The following ADARB2 variants were observed in gnomAD, a reference collection of about 807,000 sequenced individuals.
ADARB2 encodes the protein adenosine deaminase RNA specific B2 (inactive), also known as inactive double-stranded RNA-specific editase B2.
Under a neutral mutation model 62.2 loss-of-function variants are expected in ADARB2, and 25 were observed. The ratio of observed to expected loss-of-function variants is 0.40; its 90% CI spans 0.29 to 0.56. The LOEUF (loss-of-function observed/expected upper bound fraction) is 0.56. Ranked by LOEUF, ADARB2 falls within the 20% of genes least tolerant of loss-of-function variation. ADARB2 has a pLI of 0.43. For missense variants in ADARB2, 1,071 were observed against 1,077.4 expected, an observed-to-expected ratio of 0.99 and a Z score of 0.08; for synonymous variants, 572 against 500.8, an observed-to-expected ratio of 1.14 and a Z score of -1.90.
At chr10:1,661,882 G>A (rs1167674583) in intron 1 of ADARB2, among the ~76,000 whole-genome samples, 5 of 152,152 alleles carry the variant, frequency 3.3e-5, no homozygotes, top group Admixed American at 1.3e-4. Context: ...TTCCCTCTAC[G>A]GAACCGCACT....
chr10:1,655,294 T>C (rs1052143198), intron 1 of ADARB2, among the ~76,000 whole-genome samples: 2 of 152,046 alleles, frequency 1.3e-5, no homozygotes, highest in African/African-American at 4.8e-5. Context: ...GGAAAGCGGG[T>C]GCCCACTCAA....
chr10:1,392,951 CA>C (rs201782062), intron 1 of ADARB2, among the ~76,000 whole-genome samples: 49 of 150,738 alleles, frequency 3.3e-4, no homozygotes, highest in Admixed American at 2.9e-3. Flanking sequence ...TAATTGTGTT[CA>C]AAAAAAAACA....
chr10:1,730,580 A>C (rs1835218073), intron 1 of ADARB2, among the ~76,000 whole-genome samples: 1 of 152,128 alleles, frequency 6.6e-6, no homozygotes, highest in Non-Finnish European at 1.5e-5. Context: ...CACCTCTTAG[A>C]GAGTTGAAAT....
intron 1 of ADARB2, among the ~76,000 whole-genome samples, chr10:1,654,986 C>T (rs764788955): frequency 6.6e-6 from 1 of 152,236 alleles, no homozygotes; most frequent in Non-Finnish European, 1.5e-5. Flanking sequence ...GTGGAGCCAT[C>T]AGCACAGCAG....
At chr10:1,206,539 G>C (rs891554318) in intron 7 of ADARB2, among the ~76,000 whole-genome samples, 4 of 152,076 alleles carry the variant, frequency 2.6e-5, no homozygotes, top group Non-Finnish European at 5.9e-5. Flanking sequence ...TCTCCTCCTC[G>C]TGCCTGTGCG....
chr10:1,513,042 A>G (rs901795481), intron 1 of ADARB2, among the ~76,000 whole-genome samples: 1 of 152,198 alleles, frequency 6.6e-6, no homozygotes, highest in Admixed American at 6.5e-5. Context: ...CATACTGAAA[A>G]TCTGCCAAGA....
chr10:1,620,965 A>C (rs892286217), intron 1 of ADARB2, among the ~76,000 whole-genome samples: 1 of 152,240 alleles, frequency 6.6e-6, no homozygotes, highest in Non-Finnish European at 1.5e-5. Context: ...TCTGCAAGCT[A>C]TAAAAGGGCA....
intron 8 of ADARB2, among the ~76,000 whole-genome samples, chr10:1,185,413 G>A (rs972652721): frequency 2.6e-5 from 4 of 152,336 alleles, no homozygotes; most frequent in Non-Finnish European, 4.4e-5. Flanking sequence ...TGCAGGCCCC[G>A]CTCTGCTGGA....
intron 1 of ADARB2, among the ~76,000 whole-genome samples, chr10:1,677,387 C>T (rs2119113396): frequency 1.3e-5 from 2 of 152,244 alleles, no homozygotes; most frequent in South Asian, 4.2e-4. Context: ...ATAGAACATG[C>T]TGGTACTGGG....
chr10:1,530,449 G>A (rs377065910), intron 1 of ADARB2, among the ~76,000 whole-genome samples: 1 of 152,150 alleles, frequency 6.6e-6, no homozygotes, highest in African/African-American at 2.4e-5. Flanking sequence ...CCAGGTCCTC[G>A]TGAGTGCGTC....
intron 1 of ADARB2, among the ~76,000 whole-genome samples, chr10:1,625,904 T>C (rs1318726847): frequency 6.6e-6 from 1 of 152,032 alleles, no homozygotes; most frequent in Non-Finnish European, 1.5e-5. Context: ...CGCCTCTGCC[T>C]GACCCTGCGC....
intron 1 of ADARB2, among the ~76,000 whole-genome samples, chr10:1,433,608 G>A (rs1366063767): frequency 6.6e-6 from 1 of 152,102 alleles, no homozygotes; most frequent in African/African-American, 2.4e-5. Context: ...GGTGGAGCAG[G>A]GATTCGATCC....
At position 1,659,652 on chromosome 10, in the gene ADARB2, G is replaced by A. The variant is rs559834549; in HGVS notation, c.100+77399C>T. ...CCAACTTTCAGAGCCTGGTGAACTC[G>A]CCTATGCCCACATCTGCAGGGGTAG... On this transcript the variant is annotated intron_variant, in intron 1 of 9. Transcript: ENST00000381312. Among the ~76,000 whole-genome samples the A allele has an allele frequency of 6.6e-5, 10 of 152,210 alleles. No individual in the cohort carries two copies. In the East Asian group the frequency reaches 9.6e-4, roughly 15 times the overall value.
intron 1 of ADARB2, among the ~76,000 whole-genome samples, chr10:1,400,056 G>T (rs991587278): frequency 1.3e-5 from 2 of 152,252 alleles, no homozygotes; most frequent in Admixed American, 1.3e-4. Flanking sequence ...AGCAGGTTCA[G>T]ATCAGGGGAA....
At chr10:1,198,395 T>C (rs1836938726) in intron 8 of ADARB2, among the ~76,000 whole-genome samples, 1 of 152,242 alleles carries the variant, frequency 6.6e-6, no homozygotes, top group Admixed American at 6.5e-5. Flanking sequence ...GCAAGATCTC[T>C]CTCTCTCTTT....
At chr10:1,663,064 TG>T (rs796390847) in intron 1 of ADARB2, among the ~76,000 whole-genome samples, 39 of 152,388 alleles carry the variant, frequency 2.6e-4, no homozygotes, top group African/African-American at 9.1e-4. Context: ...TTGAATTATT[TG>T]GTAAACTCAG....
intron 1 of ADARB2, among the ~76,000 whole-genome samples, chr10:1,679,340 C>T (rs973888987): frequency 2.0e-4 from 31 of 152,170 alleles, no homozygotes; most frequent in Middle Eastern, 3.4e-3. Flanking sequence ...GATCCTGTGC[C>T]GGGCACCACA....
chr10:1,438,075 G>A (rs1485237469), intron 1 of ADARB2, among the ~76,000 whole-genome samples: 1 of 152,226 alleles, frequency 6.6e-6, no homozygotes, highest in Non-Finnish European at 1.5e-5. Flanking sequence ...AGGGTGGGCA[G>A]ACAAAGGCCC....
chr10:1,264,125 T>A lies in ADARB2; in HGVS notation c.1192+6830A>T, dbSNP rs1831170689. ...ACAGAGACACAGCATCAGCTTCACA[T>A]TTCTCGGTATCCACTTAGTAATCAT... On this transcript the variant is annotated intron_variant, in intron 4 of 9. Transcript: ENST00000381312. Among the ~76,000 whole-genome samples the A allele has an allele frequency of 2.0e-5, 3 of 152,310 alleles. No individual in the cohort carries two copies. In the South Asian group the frequency reaches 6.2e-4, roughly 32 times the overall value.
Sources: gnomAD v4.1 joint callset for allele counts (sites outside exome capture counted in the v4.1 genomes callset) on GRCh38, gnomAD v4.1.1 for gene constraint, MANE v1.5 for transcripts, NCBI Gene and HGNC (gene_info 2026-07-23, HGNC 2026-07-21) for gene names.